CNTNAP2: variants seen among roughly 807,000 people sequenced by gnomAD.
The protein encoded by CNTNAP2 is contactin-associated protein-like 2.
CNTNAP2 carries 98 observed loss-of-function variants against 155.2 expected under a neutral mutation model. The ratio of observed to expected loss-of-function variants is 0.63; its 90% CI spans 0.54 to 0.75. CNTNAP2 has a LOEUF of 0.75. CNTNAP2 is among the 30% of genes least tolerant of loss of function. The probability of loss-of-function intolerance (pLI) is 0.00; values close to 1 mark genes in which losing one functional copy is unlikely to be tolerated. For missense variants in CNTNAP2, 1,727 were observed against 1,688.1 expected, an observed-to-expected ratio of 1.02 and a Z score of -0.40; for synonymous variants, 651 against 631.2, an observed-to-expected ratio of 1.03 and a Z score of -0.47.
At chr7:147,520,771 C>T (rs1290986891) in intron 11 of CNTNAP2, among the ~76,000 whole-genome samples, 1 of 152,196 alleles carries the variant, frequency 6.6e-6, no homozygotes. Context: ...ATTCACTAAA[C>T]TGTCCATTTC....
At chr7:146,808,995 C>G (rs1349486384) in intron 2 of CNTNAP2, among the ~76,000 whole-genome samples, 1 of 152,104 alleles carries the variant, frequency 6.6e-6, no homozygotes, top group Admixed American at 6.6e-5. Flanking sequence ...GTTTCCATAT[C>G]TTGGCTATTG....
chr7:147,359,512 A>G (rs2116893038), intron 9 of CNTNAP2, among the ~76,000 whole-genome samples: 1 of 152,100 alleles, frequency 6.6e-6, no homozygotes, highest in East Asian at 1.9e-4. Flanking sequence ...TCCCCATTTT[A>G]CTACTAAAGA....
At chr7:146,189,862 T>C (rs1008124318) in intron 1 of CNTNAP2, among the ~76,000 whole-genome samples, 3 of 152,204 alleles carry the variant, frequency 2.0e-5, no homozygotes, top group African/African-American at 7.2e-5. Flanking sequence ...GCTGTTTATA[T>C]TGAGAGTTTA....
At chr7:147,725,534 A>T (rs1227896280) in intron 13 of CNTNAP2, among the ~76,000 whole-genome samples, 1 of 152,120 alleles carries the variant, frequency 6.6e-6, no homozygotes, top group African/African-American at 2.4e-5. Context: ...CTCGCAAGAA[A>T]GATGAGTGTC....
chr7:147,594,125 C>CTT (rs397827040), intron 12 of CNTNAP2, among the ~76,000 whole-genome samples: 20,055 of 119,944 alleles, frequency 0.17, 2,489 homozygotes, highest in East Asian at 0.34. Flanking sequence ...TCTGGTGTCT[C>CTT]TTTTTTTTTT....
At chr7:147,805,877 GA>G (rs1358837181) in intron 13 of CNTNAP2, among the ~76,000 whole-genome samples, 9 of 152,176 alleles carry the variant, frequency 5.9e-5, no homozygotes, top group Non-Finnish European at 1.2e-4. Flanking sequence ...TTCAATGTAA[GA>G]CCTGAAACTA....
At position 147,903,684 on chromosome 7, in the gene CNTNAP2, A is replaced by T; in HGVS notation, c.2218A>T (p.Lys740Ter). The change falls in exon 14 of 24, where the codon AAG becomes TAG. Residue 740 changes from lysine to a stop codon, truncating the protein, a stop_gained. Transcript: ENST00000361727. LOFTEE classifies it high-confidence loss of function. ...CGIERNCTDPKYYCNCDADYK... is the reference protein window; with the variant it reads ...CGIERNCTDP ...CATCGAACGCAACTGCACAGATCCC[A>T]AGTACTACTGTAACTGCGACGCGGA... The T allele has an allele frequency of 6.2e-7, 1 of 1,614,036 alleles. No individual in the cohort carries two copies. Among genetic ancestry groups the T allele is most frequent in the Non-Finnish European group, 8.5e-7 (1 of 1,179,974 alleles).
chr7:147,255,229 A>C (rs929258226), intron 8 of CNTNAP2, among the ~76,000 whole-genome samples: 20 of 151,712 alleles, frequency 1.3e-4, no homozygotes, highest in Non-Finnish European at 2.8e-4. Context: ...ACATACACAC[A>C]CACACACAAA....
chr7:148,299,232 T>C (rs6464869), intron 21 of CNTNAP2, among the ~76,000 whole-genome samples: 147,659 of 152,192 alleles, frequency 0.97, 71,782 homozygotes, highest in East Asian at 1. Flanking sequence ...CCTTGTGATG[T>C]GCCCTCCTCA....
At chr7:146,701,417 C>T (rs1043759186) in intron 1 of CNTNAP2, among the ~76,000 whole-genome samples, 1 of 152,162 alleles carries the variant, frequency 6.6e-6, no homozygotes, top group African/African-American at 2.4e-5. Context: ...TGCCCATACT[C>T]TACTGGTTGC....
chr7:147,832,516 A>ATTATATTTCAATATATTT (rs1276243293), intron 13 of CNTNAP2, among the ~76,000 whole-genome samples: 5 of 145,738 alleles, frequency 3.4e-5, no homozygotes, highest in Non-Finnish European at 6.0e-5. Flanking sequence ...AGTATATTTA[A>ATTATATTTCAATATATTT]TTATATTTCA....
intron 15 of CNTNAP2, among the ~76,000 whole-genome samples, chr7:148,042,084 A>G (rs887832431): frequency 6.6e-6 from 1 of 151,974 alleles, no homozygotes; most frequent in Admixed American, 6.6e-5. Context: ...GCTGCTGCCT[A>G]CTCTTTCGCC....
At chr7:148,386,771 C>T (rs1209125950) in intron 22 of CNTNAP2, among the ~76,000 whole-genome samples, 1 of 152,086 alleles carries the variant, frequency 6.6e-6, no homozygotes, top group Non-Finnish European at 1.5e-5. Context: ...TGATAAAAGA[C>T]AGATTAACAG....
intron 8 of CNTNAP2, among the ~76,000 whole-genome samples, chr7:147,217,631 G>A (rs534717823): frequency 1.3e-5 from 2 of 151,840 alleles, no homozygotes; most frequent in Non-Finnish European, 2.9e-5. Flanking sequence ...TCTCTGTCTA[G>A]GTTTGTTGCT....
chr7:146,229,775 C>A (rs1359908096), intron 1 of CNTNAP2, among the ~76,000 whole-genome samples: 1 of 151,862 alleles, frequency 6.6e-6, no homozygotes, highest in African/African-American at 2.4e-5. Context: ...ATGAGACAAG[C>A]ACAGTCAAAA....
intron 14 of CNTNAP2, among the ~76,000 whole-genome samples, chr7:147,921,597 A>T (rs939404687): frequency 6.6e-5 from 10 of 152,214 alleles, no homozygotes; most frequent in African/African-American, 2.4e-4. Context: ...AAGACTAATG[A>T]CAATGATAGG....
At chr7:148,401,940 A>T (rs936792390) in intron 22 of CNTNAP2, among the ~76,000 whole-genome samples, 1 of 152,226 alleles carries the variant, frequency 6.6e-6, no homozygotes, top group Non-Finnish European at 1.5e-5. Context: ...ATCGTTAATC[A>T]GACAAAAGAG....
chr7:147,861,084 A>G (rs1481905043), intron 13 of CNTNAP2, among the ~76,000 whole-genome samples: 1 of 152,184 alleles, frequency 6.6e-6, no homozygotes, highest in Non-Finnish European at 1.5e-5. Context: ...TTCTATGTCA[A>G]CCACACTTCT....
chr7:146,839,944 T>G, intron 3 of CNTNAP2, 40 bp downstream of exon 3: 1 of 1,605,008 alleles, frequency 6.2e-7, no homozygotes, highest in Non-Finnish European at 8.5e-7. Flanking sequence ...AGAATTGGAT[T>G]GGAAATATTA....
Sources: allele counts gnomAD v4.1 joint callset (sites outside exome capture counted in the v4.1 genomes callset), GRCh38; gene constraint gnomAD v4.1.1; transcripts MANE v1.5; gene names NCBI Gene and HGNC (gene_info 2026-07-23, HGNC 2026-07-21).